The following HECW1 variants were observed in gnomAD, a reference collection of about 807,000 sequenced individuals.
HECW1 encodes HECT, C2 and WW domain containing E3 ubiquitin protein ligase 1.
HECW1 carries 61 observed loss-of-function variants against 182.3 expected under a neutral mutation model. The observed-to-expected ratio is 0.33, with a 90% CI of 0.27 to 0.41. HECW1 has a LOEUF of 0.41. Ranked by LOEUF, HECW1 falls within the 10% of genes least tolerant of loss-of-function variation. The probability of loss-of-function intolerance (pLI) is 1.00; values close to 1 mark genes in which losing one functional copy is unlikely to be tolerated. For synonymous variants in HECW1, 859 were observed against 832.6 expected, an observed-to-expected ratio of 1.03 and a Z score of -0.55; for missense variants, 1,739 against 2,108.9, an observed-to-expected ratio of 0.82 and a Z score of 3.44.
chr7:43,158,407 A>G (rs1303125932), intron 2 of HECW1, among the ~76,000 whole-genome samples: 1 of 150,842 alleles, frequency 6.6e-6, no homozygotes, highest in Non-Finnish European at 1.5e-5. Flanking sequence ...AAAAGGATCA[A>G]GTAATAAGAA....
chr7:43,423,789 C>G (rs1004260201), intron 8 of HECW1, among the ~76,000 whole-genome samples: 3 of 152,246 alleles, frequency 2.0e-5, no homozygotes, highest in Non-Finnish European at 4.4e-5. Flanking sequence ...TTGGCAAACA[C>G]TACAGACTGG....
intron 3 of HECW1, among the ~76,000 whole-genome samples, chr7:43,287,061 C>A (rs745305694): frequency 2.6e-5 from 4 of 151,884 alleles, no homozygotes; most frequent in African/African-American, 9.7e-5. Flanking sequence ...TGGGGAGGTA[C>A]GTAGTAGTGA....
chr7:43,375,206 C>T (rs1170181359), intron 6 of HECW1, among the ~76,000 whole-genome samples: 1 of 151,956 alleles, frequency 6.6e-6, no homozygotes, highest in Non-Finnish European at 1.5e-5. Context: ...GAGAAACTGT[C>T]GGACGCCTGG....
At chr7:43,416,969 T>G (rs2076028782) in intron 8 of HECW1, among the ~76,000 whole-genome samples, 1 of 152,158 alleles carries the variant, frequency 6.6e-6, no homozygotes, top group Non-Finnish European at 1.5e-5. Context: ...CAGATGGAAA[T>G]GCAGAAATCA....
intron 6 of HECW1, among the ~76,000 whole-genome samples, chr7:43,381,574 C>T (rs2074550842): frequency 6.6e-6 from 1 of 151,806 alleles, no homozygotes; most frequent in Non-Finnish European, 1.5e-5. Context: ...CTGCAACCTC[C>T]ACCTCCCGGG....
intron 6 of HECW1, among the ~76,000 whole-genome samples, chr7:43,381,806 G>A (rs1480084840): frequency 1.3e-5 from 2 of 152,056 alleles, no homozygotes; most frequent in African/African-American, 2.4e-5. Context: ...TTATAGGTGT[G>A]AGCCACCACA....
At chr7:43,401,668 C>T (rs1025200950) in intron 7 of HECW1, among the ~76,000 whole-genome samples, 4 of 146,638 alleles carry the variant, frequency 2.7e-5, no homozygotes, top group African/African-American at 5.0e-5. Context: ...TAATCTCAGA[C>T]TTGTCTTCTG....
At chr7:43,317,630 A>G (rs1259025027) in intron 4 of HECW1, among the ~76,000 whole-genome samples, 3 of 152,194 alleles carry the variant, frequency 2.0e-5, no homozygotes, top group Non-Finnish European at 4.4e-5. Context: ...GCCTTTGGGG[A>G]AGGGTTTGAC....
At chr7:43,524,477 G>A (rs749894518) in intron 24 of HECW1, among the ~76,000 whole-genome samples, 11 of 152,172 alleles carry the variant, frequency 7.2e-5, no homozygotes, top group Non-Finnish European at 1.3e-4. Context: ...ATTAAACAAA[G>A]TTAGAAGGAT....
intron 2 of HECW1, among the ~76,000 whole-genome samples, chr7:43,159,093 A>G (rs1204738443): frequency 1.3e-5 from 2 of 150,942 alleles, no homozygotes; most frequent in Non-Finnish European, 2.9e-5. Context: ...ACGCCATTGC[A>G]TGAATCTGAC....
At chr7:43,285,600 A>G (rs539051642) in intron 3 of HECW1, among the ~76,000 whole-genome samples, 1 of 152,268 alleles carries the variant, frequency 6.6e-6, no homozygotes, top group African/African-American at 2.4e-5. Context: ...GCTTGAGCCT[A>G]GGAGTTTGAG....
At chr7:43,167,043 A>G (rs1225389012) in intron 2 of HECW1, among the ~76,000 whole-genome samples, 8 of 152,206 alleles carry the variant, frequency 5.3e-5, no homozygotes, top group Non-Finnish European at 1.0e-4. Flanking sequence ...TTCTGATGAG[A>G]TAGTGGATTC....
chr7:43,392,458 C>T (rs1182831633), intron 6 of HECW1, among the ~76,000 whole-genome samples: 2 of 152,214 alleles, frequency 1.3e-5, no homozygotes, highest in African/African-American at 4.8e-5. Flanking sequence ...AAATCTCCTG[C>T]TTTACCTTCC....
At chr7:43,199,174 A>C (rs920826332) in intron 2 of HECW1, among the ~76,000 whole-genome samples, 1 of 152,230 alleles carries the variant, frequency 6.6e-6, no homozygotes, top group African/African-American at 2.4e-5. Context: ...TCCCTTCTGC[A>C]CGCCTGGTCT....
chr7:43,229,492 G>GT (rs949500777), intron 2 of HECW1, among the ~76,000 whole-genome samples: 1 of 144,172 alleles, frequency 6.9e-6, no homozygotes, highest in African/African-American at 2.9e-5. Flanking sequence ...GAGAGTGGGA[G>GT]GGGGAGGGGA....
chr7:43,380,607 A>G (rs1160598112), intron 6 of HECW1, among the ~76,000 whole-genome samples: 1 of 151,984 alleles, frequency 6.6e-6, no homozygotes, highest in African/African-American at 2.4e-5. Context: ...GGCTCACTGC[A>G]ACCTCCATCT....
intron 8 of HECW1, among the ~76,000 whole-genome samples, chr7:43,414,714 C>T (rs1389512118): frequency 4.8e-5 from 7 of 146,730 alleles, no homozygotes; most frequent in African/African-American, 1.5e-4. Flanking sequence ...TTGAGATAAT[C>T]ATGTGGTTTT....
chr7:43,225,386 C>T (rs1203424572), intron 2 of HECW1, among the ~76,000 whole-genome samples: 1 of 152,130 alleles, frequency 6.6e-6, no homozygotes, highest in Non-Finnish European at 1.5e-5. Flanking sequence ...TGACTTACTG[C>T]ACCAAGAGAC....
intron 3 of HECW1, among the ~76,000 whole-genome samples, chr7:43,289,976 G>A (rs1805183097): frequency 6.6e-6 from 1 of 152,238 alleles, no homozygotes; most frequent in Non-Finnish European, 1.5e-5. Context: ...GAAAGCTTGA[G>A]TTAGGATAAA....
Sources: gnomAD v4.1 joint callset for allele counts (sites outside exome capture counted in the v4.1 genomes callset) on GRCh38, gnomAD v4.1.1 for gene constraint, MANE v1.5 for transcripts, NCBI Gene and HGNC (gene_info 2026-07-23, HGNC 2026-07-21) for gene names.